PEA15: variants seen among roughly 807,000 people sequenced by gnomAD.
PEA15 encodes astrocytic phosphoprotein PEA-15.
For synonymous variants in PEA15, 60 were observed against 61.8 expected, an observed-to-expected ratio of 0.97 and a Z score of 0.13; for missense variants, 77 against 161.3, an observed-to-expected ratio of 0.48 and a Z score of 2.83.
chr1:160,211,350 T>C, intron 1 of PEA15, 193 bp from the exon 2 acceptor site: 2 of 1,274,726 alleles, frequency 1.6e-6, no homozygotes, highest in African/African-American at 3.0e-5. Context: ...GCCTGGCTCC[T>C]AGCTTCCCGT....
In PEA15 at chr1:160,208,726, C is replaced by T. The variant is rs1455797752; in HGVS notation, c.-2-2817C>T. Reference sequence around the variant, plus strand: ...CCCCTAAACAACACTCCCTTTGCTTCTTCTGCCATACTAAGGCCTAGGCAA... The same window carrying T: ...CCCCTAAACAACACTCCCTTTGCTTTTTCTGCCATACTAAGGCCTAGGCAA... On this transcript the variant is annotated intron_variant, in intron 1 of 3. Transcript: ENST00000360472. This position sits in a 1 kb window ranked among gnomAD's most constrained non-coding sequence, Gnocchi z 4.1. The T allele has an allele frequency of 2.9e-6, 4 of 1,402,618 alleles. No individual in the cohort carries two copies. The highest frequency in any genetic ancestry group is 5.0e-5 in the East Asian group (2 of 40,258). 86.9% of individuals were successfully genotyped at this position (1,402,618 alleles called of 1,614,324 possible).
At chr1:160,206,775 T>C (rs901276419) in intron 1 of PEA15, among the ~76,000 whole-genome samples, 5 of 151,848 alleles carry the variant, frequency 3.3e-5, no homozygotes, top group African/African-American at 1.2e-4. Flanking sequence ...TTAGGGAGGA[T>C]GAAGGTTGGG....
Position 160,213,775 on chromosome 1 carries a change from A to G in PEA15, c.*289A>G. The G allele has an allele frequency of 2.5e-6, 1 of 401,842 alleles. No homozygotes were observed. Among genetic ancestry groups the G allele is most frequent in the South Asian group, 2.7e-5 (1 of 36,416 alleles). 24.9% of individuals were successfully genotyped at this position (401,842 alleles called of 1,614,324 possible). On this transcript the variant is annotated 3_prime_UTR_variant, in exon 4 of 4. Transcript: ENST00000360472. The surrounding 1 kb of genome is among the most constrained non-coding windows in gnomAD (Gnocchi z 5.3). ...GGCTATTTCTATGCAAATAGAAATC[A>G]GCACATTCCTCCTACTTCCCTTTCC...
Position 160,208,760 on chromosome 1 carries a change from C to A in PEA15, c.-2-2783C>A. 9.0e-7 allele frequency: 1 copy of A among 1,114,094 alleles called. No individual in the cohort carries two copies. The highest frequency in any genetic ancestry group is 1.3e-6 in the Non-Finnish European group (1 of 756,232). 69.0% of individuals were successfully genotyped at this position (1,114,094 alleles called of 1,614,324 possible). On this transcript the variant is annotated intron_variant, in intron 1 of 3. Coordinates refer to ENST00000360472, the MANE Select transcript of PEA15 (RefSeq NM_003768.5). This position sits in a 1 kb window ranked among gnomAD's most constrained non-coding sequence, Gnocchi z 4.1. Reference sequence around the variant, plus strand: ...TACTAAGGCCTAGGCAAATGGATCTCTCCAAGAAGGGAGGCAACTGGGCTG... The same window carrying A: ...TACTAAGGCCTAGGCAAATGGATCTATCCAAGAAGGGAGGCAACTGGGCTG...
rs1390954270 is a variant in PEA15 at position 160,213,538 on chromosome 1, C to T, written c.*52C>T. The T allele has an allele frequency of 6.5e-7, 1 of 1,526,872 alleles. No individual in the cohort carries two copies. The highest frequency in any genetic ancestry group is 9.1e-7 in the Non-Finnish European group (1 of 1,102,056). The allele number at this position is 1,526,872 out of a possible 1,614,324, so 94.6% of individuals were successfully genotyped here. ...TGGACCTTCATCAGACCACTCCCTT[C>T]CCCCATCCTCCAGGAGAGGGGGCAA... is the stretch of plus-strand genomic sequence containing the variant. On this transcript the variant is annotated 3_prime_UTR_variant, in exon 4 of 4. Coordinates refer to ENST00000360472, the MANE Select transcript of PEA15 (RefSeq NM_003768.5). This position sits in a 1 kb window ranked among gnomAD's most constrained non-coding sequence, Gnocchi z 5.3.
rs1478464084 is a variant in PEA15 at position 160,206,933 on chromosome 1, G to C, written c.-3+1411G>C. Among the ~76,000 whole-genome samples the C allele has an allele frequency of 3.9e-5, 6 of 152,174 alleles. No individual in the cohort carries two copies. In the East Asian group the frequency reaches 1.2e-3, roughly 29 times the overall value. ...CCCTAGGCTGCAGGCTTCCCTGGTTGCCTACTTCCTCAATTCCGTGCCCAT... is the reference window on the plus strand; with the variant it reads ...CCCTAGGCTGCAGGCTTCCCTGGTTCCCTACTTCCTCAATTCCGTGCCCAT... On this transcript the variant is annotated intron_variant, in intron 1 of 3. Coordinates refer to ENST00000360472, the MANE Select transcript of PEA15 (RefSeq NM_003768.5).
At position 160,211,731 on chromosome 1, in the gene PEA15, CA is replaced by C; in HGVS notation, c.172+16del. 6.2e-7 allele frequency: 1 copy of C among 1,609,194 alleles called. No individual in the cohort carries two copies. Among genetic ancestry groups the C allele is most frequent in the South Asian group, 1.1e-5 (1 of 90,354 alleles). ...GCTGGACAAAGGTGGGGGAGGGGAGCACAGGGGTCCTGTCATCAGTCATTCA... is the reference window on the plus strand; with the variant it reads ...GCTGGACAAAGGTGGGGGAGGGGAGCCAGGGGTCCTGTCATCAGTCATTCA... On this transcript the variant is annotated intron_variant, in intron 2 of 3. Transcript: ENST00000360472.
Position 160,213,707 on chromosome 1 carries a change from C to A in PEA15, c.*221C>A. 7.9e-6 allele frequency: 2 copies of A among 252,070 alleles called. No individual in the cohort carries two copies. Among genetic ancestry groups the A allele is most frequent in the South Asian group, 3.7e-5 (1 of 27,104 alleles). The allele number at this position is 252,070 out of a possible 1,614,324, so 15.6% of individuals were successfully genotyped here. On this transcript the variant is annotated 3_prime_UTR_variant, in exon 4 of 4. Transcript: ENST00000360472. The surrounding 1 kb of genome is among the most constrained non-coding windows in gnomAD (Gnocchi z 5.3). ...TTCTTAAGGGGATGGGGGTCAGGGG[C>A]TAGGGGAGGGGGCTGAGTTTCCCCA...
chr1:160,211,189 T>G, intron 1 of PEA15: 1 of 627,846 alleles, frequency 1.6e-6, no homozygotes, highest in East Asian at 1.2e-4. Flanking sequence ...AGGGGGGACT[T>G]GGAGAGAGCG....
rs1654696488 is a variant in PEA15 at position 160,208,409 on chromosome 1, T to A, written c.-3+2887T>A. The A allele has an allele frequency of 5.1e-6, 3 of 586,504 alleles. No homozygotes were observed. Among genetic ancestry groups the A allele is most frequent in the Non-Finnish European group, 9.1e-6 (3 of 328,910 alleles). The allele number at this position is 586,504 out of a possible 1,614,324, so 36.3% of individuals were successfully genotyped here. A position where few individuals can be genotyped will look rare whatever the true frequency, so the allele number is the denominator to read the frequency against. On this transcript the variant is annotated intron_variant, in intron 1 of 3. Transcript: ENST00000360472. The surrounding 1 kb of genome is among the most constrained non-coding windows in gnomAD (Gnocchi z 4.1). ...AAAGCTGGGAGGGAAGAGGACTGACTTCCTGGCAGCCGGGGCTCCGGTTCC... is the reference window on the plus strand; with the variant it reads ...AAAGCTGGGAGGGAAGAGGACTGACATCCTGGCAGCCGGGGCTCCGGTTCC...
At chr1:160,211,839 G>A in intron 2 of PEA15, 123 bp downstream of exon 2, 1 of 880,608 alleles carries the variant, frequency 1.1e-6, no homozygotes, top group East Asian at 2.7e-5. Context: ...AGGCAGAAGA[G>A]AGGTGCTCTA....
In PEA15 at chr1:160,213,379, C is replaced by A; in HGVS notation, c.329-43C>A. The A allele has an allele frequency of 6.2e-7, 1 of 1,612,290 alleles. No individual in the cohort carries two copies. The highest frequency in any genetic ancestry group is 8.5e-7 in the Non-Finnish European group (1 of 1,178,336). The stretch of plus-strand genomic sequence containing the variant: ...GATGCCCAATGGGCCTGCCTGGCAT[C>A]TCCCACACTGCTGTCCCTGGACACA... On this transcript the variant is annotated intron_variant, in intron 3 of 3. Coordinates refer to ENST00000360472, the MANE Select transcript of PEA15 (RefSeq NM_003768.5). The surrounding 1 kb of genome is among the most constrained non-coding windows in gnomAD (Gnocchi z 5.3).
In PEA15 at chr1:160,205,973, G is replaced by C. The variant is rs1157976009; in HGVS notation, c.-3+451G>C. 1 of 152,312 alleles carries C rather than the reference G, an allele frequency of 6.6e-6. No homozygotes were observed. The highest frequency in any genetic ancestry group is 1.9e-4 in the East Asian group (1 of 5,200). 9.4% of individuals were successfully genotyped at this position (152,312 alleles called of 1,614,324 possible). On this transcript the variant is annotated intron_variant, in intron 1 of 3. Coordinates refer to ENST00000360472, the MANE Select transcript of PEA15 (RefSeq NM_003768.5). This position sits in a 1 kb window ranked among gnomAD's most constrained non-coding sequence, Gnocchi z 5.9. ...ACCTGGGGAAGAGGTGGGCTTGGCG[G>C]AAAGCTTGTCCAGAGGGAAGGAGGA...
At chr1:160,211,451 C>A in intron 1 of PEA15, 92 bp from the exon 2 acceptor site, 1 of 1,420,804 alleles carries the variant, frequency 7.0e-7, no homozygotes, top group Non-Finnish European at 9.5e-7. Flanking sequence ...CCTGGTAGGG[C>A]AGAGTGGGGA....
intron 1 of PEA15, among the ~76,000 whole-genome samples, chr1:160,207,806 A>C (rs1056357388): frequency 6.6e-6 from 1 of 152,258 alleles, no homozygotes; most frequent in Middle Eastern, 3.4e-3. Flanking sequence ...AAAATAGGAA[A>C]GCTGGACCCC....
chr1:160,213,832 G>A lies in PEA15; in HGVS notation c.*346G>A. On this transcript the variant is annotated 3_prime_UTR_variant, in exon 4 of 4. Coordinates refer to ENST00000360472, the MANE Select transcript of PEA15 (RefSeq NM_003768.5). The surrounding 1 kb of genome is among the most constrained non-coding windows in gnomAD (Gnocchi z 5.3). ...CCCCCCATATCTTTAAAGTGTGGAAGCAGAAAGGACCTGCATTTTCCTACA... is the reference window on the plus strand; with the variant it reads ...CCCCCCATATCTTTAAAGTGTGGAAACAGAAAGGACCTGCATTTTCCTACA... 3.7e-6 allele frequency: 1 copy of A among 272,342 alleles called. No individual in the cohort carries two copies. 16.9% of individuals were successfully genotyped at this position (272,342 alleles called of 1,614,324 possible). A position where few individuals can be genotyped will look rare whatever the true frequency, so the allele number is the denominator to read the frequency against.
At chr1:160,209,783 A>T (rs1258752336) in intron 1 of PEA15, among the ~76,000 whole-genome samples, 1 of 150,734 alleles carries the variant, frequency 6.6e-6, no homozygotes, top group Non-Finnish European at 1.5e-5. Context: ...CATCCCCCTC[A>T]CCCGTACCCC....
chr1:160,212,308 CAG>C (rs1396336424), intron 2 of PEA15, among the ~76,000 whole-genome samples: 1 of 151,922 alleles, frequency 6.6e-6, no homozygotes, highest in Non-Finnish European at 1.5e-5. Flanking sequence ...AACACTGTCA[CAG>C]AGTATCTAGT....
intron 1 of PEA15, among the ~76,000 whole-genome samples, chr1:160,210,989 G>T (rs1366957731): frequency 6.6e-6 from 1 of 152,206 alleles, no homozygotes; most frequent in African/African-American, 2.4e-5. Flanking sequence ...CATTAGTGGG[G>T]TGGTGGGGAG....
Sources: gnomAD v4.1 joint callset for allele counts (sites outside exome capture counted in the v4.1 genomes callset) on GRCh38, gnomAD v4.1.1 for gene constraint, Gnocchi (gnomAD v3.1) non-coding constraint, MANE v1.5 for transcripts, NCBI Gene and HGNC (gene_info 2026-07-23, HGNC 2026-07-21) for gene names.